Variants in GRIN2A observed in about 807,000 individuals in gnomAD.
GRIN2A encodes glutamate ionotropic receptor NMDA type subunit 2A, also known as glutamate receptor ionotropic, NMDA 2A.
In GRIN2A, 22 loss-of-function variants were observed where a neutral mutation model predicts 113.4. That is an observed-to-expected ratio of 0.19 (90% confidence interval 0.14 to 0.28). The LOEUF is 0.28. GRIN2A is among the 10% of genes least tolerant of loss of function. GRIN2A has a pLI of 1.00. For missense variants in GRIN2A, 1,502 were observed against 1,887.0 expected, an observed-to-expected ratio of 0.80 and a Z score of 3.78; for synonymous variants, 827 against 738.4, an observed-to-expected ratio of 1.12 and a Z score of -1.94.
At chr16:9,842,745 T>G (rs1212389282) in intron 5 of GRIN2A, among the ~76,000 whole-genome samples, 2 of 152,124 alleles carry the variant, frequency 1.3e-5, no homozygotes, top group Admixed American at 1.3e-4. Flanking sequence ...GAGACCAGCC[T>G]GGCCAACATG....
At chr16:9,908,503 G>A (rs918261041) in intron 3 of GRIN2A, among the ~76,000 whole-genome samples, 1 of 152,028 alleles carries the variant, frequency 6.6e-6, no homozygotes, top group African/African-American at 2.4e-5. Context: ...TAATTGTGGG[G>A]AGAGTAGGAG....
chr16:10,034,535 C>CAAAAAAAAAA (rs58076569), intron 2 of GRIN2A, among the ~76,000 whole-genome samples: 18 of 36,422 alleles, frequency 4.9e-4, no homozygotes, highest in African/African-American at 7.8e-4. Context: ...CAAAAAAAAG[C>CAAAAAAAAAA]AAAAAAAAAA....
At chr16:10,058,707 T>A (rs951985102) in intron 2 of GRIN2A, among the ~76,000 whole-genome samples, 1 of 152,228 alleles carries the variant, frequency 6.6e-6, no homozygotes, top group Non-Finnish European at 1.5e-5. Flanking sequence ...CCCGTTTATG[T>A]GATTTATATG....
intron 2 of GRIN2A, among the ~76,000 whole-genome samples, chr16:9,975,196 T>G (rs1033705763): frequency 6.6e-6 from 1 of 152,062 alleles, no homozygotes; most frequent in African/African-American, 2.4e-5. Flanking sequence ...TAAAAATCCA[T>G]AAAAAGGCAG....
intron 2 of GRIN2A, among the ~76,000 whole-genome samples, chr16:10,132,493 G>A (rs1368899884): frequency 6.6e-6 from 1 of 152,142 alleles, no homozygotes; most frequent in Non-Finnish European, 1.5e-5. Context: ...TACGTCAAAT[G>A]TAAAGCCACA....
At chr16:10,033,025 G>C (rs544906316) in intron 2 of GRIN2A, among the ~76,000 whole-genome samples, 1 of 152,284 alleles carries the variant, frequency 6.6e-6, no homozygotes, top group South Asian at 2.1e-4. Flanking sequence ...AGGTGCCCCA[G>C]CTGGTTTGCA....
At chr16:9,849,540 C>T (rs1236109419) in intron 5 of GRIN2A, among the ~76,000 whole-genome samples, 1 of 152,134 alleles carries the variant, frequency 6.6e-6, no homozygotes, top group East Asian at 1.9e-4. Context: ...AAACTACTCA[C>T]CTCATATTGC....
intron 4 of GRIN2A, among the ~76,000 whole-genome samples, chr16:9,870,050 G>A (rs1356596215): frequency 6.6e-6 from 1 of 152,160 alleles, no homozygotes; most frequent in African/African-American, 2.4e-5. Flanking sequence ...GCTCTAAGAG[G>A]AGACAGATCT....
At position 9,762,997 on chromosome 16, in the gene GRIN2A, C is replaced by G. The variant is rs1331692438; in HGVS notation, c.*152G>C. ...TTGAGTGGAAGATTATGGCATGAAGCCGTGTGCAAAAGAGCCAACAACAAC... is the reference window on the plus strand; with the variant it reads ...TTGAGTGGAAGATTATGGCATGAAGGCGTGTGCAAAAGAGCCAACAACAAC... On this transcript the variant is annotated 3_prime_UTR_variant, in exon 13 of 13. Coordinates refer to ENST00000330684, the MANE Select transcript of GRIN2A (RefSeq NM_001134407.3). 4.1e-6 allele frequency: 3 copies of G among 724,366 alleles called. No homozygotes were observed. Among genetic ancestry groups the G allele is most frequent in the Non-Finnish European group, 6.9e-6 (3 of 431,734 alleles). The allele number at this position is 724,366 out of a possible 1,614,324, so 44.9% of individuals were successfully genotyped here.
Position 9,754,496 on chromosome 16 carries a change from C to G in GRIN2A, c.*8653G>C, listed in dbSNP as rs1033148467. 4.7e-6 allele frequency: 1 copy of G among 212,016 alleles called. No homozygotes were observed. Among genetic ancestry groups the G allele is most frequent in the East Asian group, 7.1e-5 (1 of 14,168 alleles). 13.1% of individuals were successfully genotyped at this position (212,016 alleles called of 1,614,324 possible). On this transcript the variant is annotated 3_prime_UTR_variant, in exon 13 of 13. Transcript: ENST00000330684. ...TGAATGTTAAAAGTTCCACTTTCAT[C>G]TTTTCAAATTCATCAAAAATTTCAA...
At chr16:10,134,998 T>C (rs1461104328) in intron 2 of GRIN2A, among the ~76,000 whole-genome samples, 1 of 152,210 alleles carries the variant, frequency 6.6e-6, no homozygotes, top group Non-Finnish European at 1.5e-5. Flanking sequence ...GTAAATCTCC[T>C]AATTTTAGCA....
chr16:9,778,078 CA>C (rs1277529874), intron 11 of GRIN2A, among the ~76,000 whole-genome samples: 1 of 152,092 alleles, frequency 6.6e-6, no homozygotes, highest in Non-Finnish European at 1.5e-5. Context: ...ACAACAACAA[CA>C]AAAAACCCAA....
At chr16:10,115,208 C>G (rs78887419) in intron 2 of GRIN2A, among the ~76,000 whole-genome samples, 4 of 151,682 alleles carry the variant, frequency 2.6e-5, no homozygotes, top group Non-Finnish European at 5.9e-5. Flanking sequence ...ACTTTGTTGA[C>G]CACTCTTTTG....
intron 3 of GRIN2A, among the ~76,000 whole-genome samples, chr16:9,893,944 A>G (rs531260962): frequency 6.6e-6 from 1 of 152,334 alleles, no homozygotes; most frequent in African/African-American, 2.4e-5. Context: ...TTATAATTCA[A>G]TGGCATAGAC....
intron 2 of GRIN2A, among the ~76,000 whole-genome samples, chr16:10,100,909 T>C (rs567785679): frequency 6.6e-6 from 1 of 152,340 alleles, no homozygotes; most frequent in Non-Finnish European, 1.5e-5. Flanking sequence ...ATTCTCCAGG[T>C]GTGACTTCCA....
chr16:10,034,535 CAAAAAA>C (rs58076569), intron 2 of GRIN2A, among the ~76,000 whole-genome samples: 1 of 36,430 alleles, frequency 2.7e-5, no homozygotes. Flanking sequence ...CAAAAAAAAG[CAAAAAA>C]AAAAAAAAAA....
At chr16:10,145,578 C>T (rs1199301828) in intron 2 of GRIN2A, among the ~76,000 whole-genome samples, 3 of 152,014 alleles carry the variant, frequency 2.0e-5, no homozygotes, top group Non-Finnish European at 4.4e-5. Flanking sequence ...ATTACACATT[C>T]TCTCTATTCT....
intron 2 of GRIN2A, among the ~76,000 whole-genome samples, chr16:10,148,320 C>G (rs1278461846): frequency 6.6e-6 from 1 of 152,216 alleles, no homozygotes; most frequent in Non-Finnish European, 1.5e-5. Context: ...ACATTTTCTA[C>G]TGGCCATTTG....
chr16:9,818,846 A>G (rs1489109397), intron 10 of GRIN2A, among the ~76,000 whole-genome samples: 3 of 152,194 alleles, frequency 2.0e-5, no homozygotes, highest in African/African-American at 7.2e-5. Context: ...AATATCTGTT[A>G]AAATTGCAAC....
Sources: gnomAD v4.1 joint callset for allele counts (sites outside exome capture counted in the v4.1 genomes callset) on GRCh38, gnomAD v4.1.1 for gene constraint, MANE v1.5 for transcripts, NCBI Gene and HGNC (gene_info 2026-07-23, HGNC 2026-07-21) for gene names.